The following IL1RAPL2 variants were observed in gnomAD, a reference collection of about 807,000 sequenced individuals.
IL1RAPL2 encodes X-linked interleukin-1 receptor accessory protein-like 2.
A neutral mutation model predicts 44.1 loss-of-function variants in IL1RAPL2; 3 were observed. That is an observed-to-expected ratio of 0.07 (90% CI 0.03 to 0.18). IL1RAPL2 has a LOEUF of 0.18. IL1RAPL2 is among the 10% of genes least tolerant of loss of function. The pLI is 1.00. For missense variants in IL1RAPL2, 391 were observed against 496.4 expected (o/e 0.79, Z 2.02); for synonymous variants, 181 against 178.8 (o/e 1.01, Z -0.10).
intron 2 of IL1RAPL2, among the ~76,000 whole-genome samples, chrX:104,705,505 C>T (rs778949934): frequency 9.0e-6 from 1 of 111,054 alleles, no homozygotes; most frequent in Non-Finnish European, 1.9e-5. Context: ...AACATCTCAT[C>T]AGCTGAATAA....
intron 2 of IL1RAPL2, among the ~76,000 whole-genome samples, chrX:105,030,799 T>A (rs1480619394): frequency 8.9e-6 from 1 of 111,962 alleles, no homozygotes; most frequent in Non-Finnish European, 1.9e-5. Context: ...GGTAGCTTGA[T>A]AGGGATGGCA....
At chrX:104,828,450 C>T (rs1921517850) in intron 2 of IL1RAPL2, among the ~76,000 whole-genome samples, 1 of 111,626 alleles carries the variant, frequency 9.0e-6, no homozygotes, top group Admixed American at 9.4e-5. Flanking sequence ...TGGATATCAC[C>T]AGCGGAGGCT....
In IL1RAPL2 at chrX:104,780,577, C is replaced by A. The variant is rs188912351; in HGVS notation, c.82+121582C>A. On this transcript the variant is annotated intron_variant, in intron 2 of 10. Coordinates refer to ENST00000372582, the MANE Select transcript of IL1RAPL2 (RefSeq NM_017416.2). ...TTTGTTGCAGGATTACTTGTAACAC[C>A]ATTTCATTTCTAAGACTTGATGTTC... Among the ~76,000 whole-genome samples, 23 of 111,995 alleles carry A rather than the reference C, an allele frequency of 2.1e-4. No individual in the cohort carries two copies. The East Asian group carries it at 6.5e-3, about 32-fold the overall frequency.
chrX:104,875,371 C>T lies in IL1RAPL2; in HGVS notation c.82+216376C>T, dbSNP rs144308742. Reference sequence around the variant, plus strand: ...ATACCAAAAATAGATATGGCCCCTACCTCAAGATGCTTACAGTCTAGTGGG... The same window carrying T: ...ATACCAAAAATAGATATGGCCCCTATCTCAAGATGCTTACAGTCTAGTGGG... On this transcript the variant is annotated intron_variant, in intron 2 of 10. Transcript: ENST00000372582. Among the ~76,000 whole-genome samples, 311 of 98,937 alleles carry T rather than the reference C, an allele frequency of 3.1e-3. 2 individuals carry two copies. The highest frequency in any genetic ancestry group is 0.011 in the African/African-American group (300 of 27,061). 85.9% of individuals were successfully genotyped at this position (98,937 alleles called of 115,157 possible). A position where few individuals can be genotyped will look rare whatever the true frequency, so the allele number is the denominator to read the frequency against.
At chrX:104,677,861 A>G (rs1261515587) in intron 2 of IL1RAPL2, among the ~76,000 whole-genome samples, 1 of 112,012 alleles carries the variant, frequency 8.9e-6, no homozygotes, top group East Asian at 2.9e-4. Context: ...CCGATTTTCC[A>G]GGTGCCCTCC....
intron 1 of IL1RAPL2, among the ~76,000 whole-genome samples, chrX:104,610,692 G>T (rs1438460496): frequency 9.0e-6 from 1 of 111,672 alleles, no homozygotes; most frequent in African/African-American, 3.3e-5. Context: ...TCTTGAAAAT[G>T]GCCATACTGC....
chrX:105,073,439 T>G (rs1225837830), intron 2 of IL1RAPL2, among the ~76,000 whole-genome samples: 2 of 110,572 alleles, frequency 1.8e-5, no homozygotes, highest in Non-Finnish European at 3.8e-5. Context: ...AAATCCAGTC[T>G]ATCATTGTTG....
chrX:104,914,150 A>C (rs1265066416), intron 2 of IL1RAPL2, among the ~76,000 whole-genome samples: 1 of 111,798 alleles, frequency 8.9e-6, no homozygotes, highest in Non-Finnish European at 1.9e-5. Flanking sequence ...CACTCTCTGA[A>C]GTTAGGGCCT....
chrX:104,898,845 TA>T (rs66769620), intron 2 of IL1RAPL2, among the ~76,000 whole-genome samples: 40,818 of 111,378 alleles, frequency 0.37, 5,852 homozygotes, highest in East Asian at 0.46. Flanking sequence ...ACTCTTCCAT[TA>T]GCACTGTAGT....
chrX:105,275,324 A>C (rs750830821), intron 5 of IL1RAPL2, among the ~76,000 whole-genome samples: 1 of 112,294 alleles, frequency 8.9e-6, no homozygotes, highest in East Asian at 2.8e-4. Context: ...GTTTCCACAG[A>C]ACAAACTTTA....
intron 6 of IL1RAPL2, among the ~76,000 whole-genome samples, chrX:105,542,223 A>T (rs954195807): frequency 9.0e-6 from 1 of 111,639 alleles, no homozygotes; most frequent in African/African-American, 3.3e-5. Context: ...TCTTGTGGAG[A>T]GCATTGTAAG....
At chrX:105,747,514 G>GTA (rs1322197612) in intron 8 of IL1RAPL2, among the ~76,000 whole-genome samples, 9 of 49,911 alleles carry the variant, frequency 1.8e-4, no homozygotes, top group African/African-American at 5.5e-4. Flanking sequence ...GTGTGTGTGT[G>GTA]TGTATATATA....
At chrX:104,893,641 T>C (rs1443988449) in intron 2 of IL1RAPL2, among the ~76,000 whole-genome samples, 1 of 111,600 alleles carries the variant, frequency 9.0e-6, no homozygotes, top group Non-Finnish European at 1.9e-5. Flanking sequence ...ATTTGCTTGG[T>C]AGATCTTCCT....
chrX:104,604,439 C>A (rs1236731513), intron 1 of IL1RAPL2, among the ~76,000 whole-genome samples: 1 of 110,441 alleles, frequency 9.1e-6, no homozygotes, highest in Non-Finnish European at 1.9e-5. Flanking sequence ...ATTACAGGAT[C>A]AAATTCACAC....
intron 2 of IL1RAPL2, among the ~76,000 whole-genome samples, chrX:104,997,528 C>A (rs1215394982): frequency 8.1e-5 from 9 of 111,031 alleles, no homozygotes. Flanking sequence ...GGCTGTTGTA[C>A]AGAGAAAGGA....
chrX:105,292,650 AAT>A (rs1484288605), intron 5 of IL1RAPL2, among the ~76,000 whole-genome samples: 1 of 111,875 alleles, frequency 8.9e-6, no homozygotes, highest in Non-Finnish European at 1.9e-5. Context: ...GCTTTTGCAA[AAT>A]ATAGTTTCTG....
intron 4 of IL1RAPL2, among the ~76,000 whole-genome samples, chrX:105,261,135 T>C (rs2034356038): frequency 8.9e-6 from 1 of 111,903 alleles, no homozygotes; most frequent in South Asian, 3.8e-4. Flanking sequence ...TGGGTTCATA[T>C]GGAGATCTGC....
intron 2 of IL1RAPL2, among the ~76,000 whole-genome samples, chrX:105,077,731 C>A (rs772356822): frequency 9.0e-6 from 1 of 111,434 alleles, no homozygotes; most frequent in Non-Finnish European, 1.9e-5. Context: ...TTCTTGGAGG[C>A]GTTGTTCATT....
chrX:105,251,293 TA>T (rs745622604), intron 4 of IL1RAPL2, among the ~76,000 whole-genome samples: 147 of 99,214 alleles, frequency 1.5e-3, no homozygotes, highest in Admixed American at 1.4e-3. Context: ...ACTTGCTTGC[TA>T]AAAAAAAAAA....
Sources: gnomAD v4.1 joint callset for allele counts (sites outside exome capture counted in the v4.1 genomes callset) on GRCh38, gnomAD v4.1.1 for gene constraint, MANE v1.5 for transcripts, NCBI Gene and HGNC (gene_info 2026-07-23, HGNC 2026-07-21) for gene names.